Variants in RSRC1 observed in about 807,000 individuals in gnomAD.
RSRC1 encodes arginine and serine rich coiled-coil 1.
RSRC1 carries 39 observed loss-of-function variants against 49.1 expected under a neutral mutation model. The observed-to-expected ratio is 0.79, with a 90% CI of 0.61 to 1.04. The LOEUF (loss-of-function observed/expected upper bound fraction) is 1.04. RSRC1 is among the 50% of genes least tolerant of loss of function. The pLI, the probability that RSRC1 is intolerant of heterozygous loss-of-function variation, is 0.00. For missense variants in RSRC1, 388 were observed against 402.4 expected (o/e 0.96, Z 0.31); for synonymous variants, 143 against 130.8 (o/e 1.09, Z -0.63).
intron 1 of RSRC1, among the ~76,000 whole-genome samples, chr3:158,114,744 T>G (rs144838473): frequency 2.1e-4 from 32 of 152,272 alleles, no homozygotes; most frequent in African/African-American, 7.5e-4. Context: ...TCCTAGGTAT[T>G]TTATTCTTTT....
rs549848919 is a variant in RSRC1 at position 158,239,889 on chromosome 3, A to G, written c.494+36644A>G. On this transcript the variant is annotated intron_variant, in intron 4 of 9. Transcript: ENST00000611884. ...GAATAATAGAAATTTTTAGATGAAT[A>G]GAAGTTTTACCATTTGAATGTTTAG... is the stretch of plus-strand genomic sequence containing the variant. 1.8e-4 allele frequency among the ~76,000 whole-genome samples: 27 copies of G among 152,324 alleles called. No individual in the cohort carries two copies. In the East Asian group the frequency reaches 4.6e-3, roughly 26 times the overall value.
At chr3:158,470,353 C>CATATATATATATATAT (rs1168384550) in intron 7 of RSRC1, among the ~76,000 whole-genome samples, 1 of 120,056 alleles carries the variant, frequency 8.3e-6, no homozygotes, top group African/African-American at 3.5e-5. Flanking sequence ...CACACACACA[C>CATATATATATATATAT]ACACACACAT....
At chr3:158,145,506 G>A (rs537445510) in intron 3 of RSRC1, among the ~76,000 whole-genome samples, 15 of 152,070 alleles carry the variant, frequency 9.9e-5, no homozygotes, top group Admixed American at 9.8e-4. Context: ...TGTTTTGGTA[G>A]CAGTACCATG....
chr3:158,203,082 A>G lies in RSRC1; in HGVS notation c.331A>G (p.Arg111Gly). 6.2e-7 allele frequency: 1 copy of G among 1,612,780 alleles called. No homozygotes were observed. The highest frequency in any genetic ancestry group is 1.1e-5 in the South Asian group (1 of 90,936). ...SKSRTRRSRS[R>G]PRLRSHSRSS... Reference sequence around the variant, plus strand: ...ATCTGCTTACTGTAGGTCCAGGTCAAGACCTCGTCTCCGTTCTCATAGTCG... The same window carrying G: ...ATCTGCTTACTGTAGGTCCAGGTCAGGACCTCGTCTCCGTTCTCATAGTCG... Residue 111 changes from arginine to glycine, a missense_variant, in exon 4 of 10, where the codon AGA becomes GGA. Coordinates refer to ENST00000611884, the MANE Select transcript of RSRC1 (RefSeq NM_001271838.2).
At chr3:158,362,429 T>C (rs542819138) in intron 6 of RSRC1, among the ~76,000 whole-genome samples, 2 of 152,362 alleles carry the variant, frequency 1.3e-5, no homozygotes, top group East Asian at 1.9e-4. Context: ...GAGAACATTT[T>C]AGCTGTTAAT....
At chr3:158,516,104 A>C (rs1312069967) in intron 7 of RSRC1, among the ~76,000 whole-genome samples, 1 of 152,204 alleles carries the variant, frequency 6.6e-6, no homozygotes, top group African/African-American at 2.4e-5. Flanking sequence ...AGCTCGTCAA[A>C]GTCATTCTCC....
rs375305594 is a variant in RSRC1 at position 158,470,321 on chromosome 3, AACACAC to A, written c.652+9354_652+9359del. Among the ~76,000 whole-genome samples, 1,186 of 136,878 alleles carry A rather than the reference AACACAC, an allele frequency of 8.7e-3. 5 individuals carry two copies. Among genetic ancestry groups the A allele is most frequent in the Non-Finnish European group, 9.4e-3 (602 of 63,980 alleles). 89.8% of individuals were successfully genotyped at this position (136,878 alleles called of 152,430 possible). ...AGCCTTGTTTTTCTCTGCTCTTAGA[AACACAC>A]ACACACACACACACACACACACACA... On this transcript the variant is annotated intron_variant, in intron 7 of 9. Transcript: ENST00000611884.
chr3:158,504,512 A>T (rs963126952), intron 7 of RSRC1, among the ~76,000 whole-genome samples: 2 of 152,186 alleles, frequency 1.3e-5, no homozygotes, highest in African/African-American at 2.4e-5. Flanking sequence ...TTGCTGTTTC[A>T]TATTACTTTT....
At chr3:158,471,093 A>G (rs922325726) in intron 7 of RSRC1, among the ~76,000 whole-genome samples, 8 of 152,220 alleles carry the variant, frequency 5.3e-5, no homozygotes, top group Non-Finnish European at 1.2e-4. Context: ...GATGCATGAA[A>G]TGCTGGCCCT....
chr3:158,473,609 A>G (rs536513108), intron 7 of RSRC1, among the ~76,000 whole-genome samples: 8 of 152,144 alleles, frequency 5.3e-5, no homozygotes, highest in African/African-American at 1.9e-4. Flanking sequence ...ACATGTATAC[A>G]TATGTAACAA....
chr3:158,485,397 A>G lies in RSRC1; in HGVS notation c.652+24394A>G, dbSNP rs539013246. ...CACAAAACCAAGCTTACTTTAATAT[A>G]TCTTTTAAAATCTAACACAAAGGAT... On this transcript the variant is annotated intron_variant, in intron 7 of 9. Coordinates refer to ENST00000611884, the MANE Select transcript of RSRC1 (RefSeq NM_001271838.2). 7.9e-5 allele frequency among the ~76,000 whole-genome samples: 12 copies of G among 152,230 alleles called. No homozygotes were observed. In the East Asian group the frequency reaches 2.3e-3, roughly 29 times the overall value.
intron 7 of RSRC1, among the ~76,000 whole-genome samples, chr3:158,522,992 A>T (rs1014959470): frequency 6.6e-6 from 1 of 152,138 alleles, no homozygotes. Flanking sequence ...CAACTACTTT[A>T]TAAAGTAACA....
At chr3:158,260,186 G>T (rs1238762632) in intron 4 of RSRC1, among the ~76,000 whole-genome samples, 1 of 152,088 alleles carries the variant, frequency 6.6e-6, no homozygotes, top group African/African-American at 2.4e-5. Flanking sequence ...AATGTGCGGG[G>T]TTACACCGCA....
At chr3:158,441,789 G>A (rs1456196449) in intron 6 of RSRC1, among the ~76,000 whole-genome samples, 4 of 152,028 alleles carry the variant, frequency 2.6e-5, no homozygotes, top group African/African-American at 9.7e-5. Context: ...TGTGAATCTT[G>A]TCACCATGGT....
chr3:158,414,638 C>T (rs1287248653), intron 6 of RSRC1, among the ~76,000 whole-genome samples: 2 of 151,956 alleles, frequency 1.3e-5, no homozygotes, highest in East Asian at 1.9e-4. Flanking sequence ...GAGATGATTA[C>T]GTGAGCCCAG....
intron 4 of RSRC1, among the ~76,000 whole-genome samples, chr3:158,234,164 C>T (rs959944459): frequency 2.0e-5 from 3 of 152,112 alleles, no homozygotes; most frequent in African/African-American, 7.2e-5. Flanking sequence ...TTGTATCAGC[C>T]AAGTCTCAAT....
chr3:158,187,215 C>G (rs909674585), intron 3 of RSRC1, among the ~76,000 whole-genome samples: 7 of 151,920 alleles, frequency 4.6e-5, no homozygotes, highest in African/African-American at 1.7e-4. Context: ...ATTACAACAG[C>G]TATTTGTTTG....
At chr3:158,461,978 G>A (rs1737639079) in intron 7 of RSRC1, among the ~76,000 whole-genome samples, 1 of 136,652 alleles carries the variant, frequency 7.3e-6, no homozygotes, top group African/African-American at 2.8e-5. Flanking sequence ...ACCCATCAGA[G>A]CCATCCTCAA....
chr3:158,367,182 A>C (rs1364988549), intron 6 of RSRC1, among the ~76,000 whole-genome samples: 1 of 151,972 alleles, frequency 6.6e-6, no homozygotes, highest in Non-Finnish European at 1.5e-5. Context: ...GTTGAATAGG[A>C]GTGGTGAGAG....
Sources: gnomAD v4.1 joint callset for allele counts (sites outside exome capture counted in the v4.1 genomes callset) on GRCh38, gnomAD v4.1.1 for gene constraint, MANE v1.5 for transcripts, NCBI Gene and HGNC (gene_info 2026-07-23, HGNC 2026-07-21) for gene names.